The following SLC39A14 variants were observed in gnomAD, a reference collection of about 807,000 sequenced individuals.
The protein encoded by SLC39A14 is solute carrier family 39 member 14.
SLC39A14 carries 19 observed loss-of-function variants against 45.5 expected under a neutral mutation model. That is an observed-to-expected ratio of 0.42 (90% confidence interval 0.29 to 0.61). The LOEUF (loss-of-function observed/expected upper bound fraction) is 0.61, where lower values mean the gene tolerates loss of function less well. Among genes scored for constraint, SLC39A14 ranks in the 20% least tolerant of loss-of-function variants. The pLI is 0.22. For synonymous variants in SLC39A14, 264 were observed against 251.3 expected, an observed-to-expected ratio of 1.05 and a Z score of -0.48; for missense variants, 447 against 616.5, an observed-to-expected ratio of 0.73 and a Z score of 2.91.
intron 1 of SLC39A14, among the ~76,000 whole-genome samples, chr8:22,384,852 C>A (rs1200255777): frequency 6.6e-6 from 1 of 151,744 alleles, no homozygotes; most frequent in Non-Finnish European, 1.5e-5. Flanking sequence ...GAGTTTCAGA[C>A]CAGCGTCACC....
chr8:22,425,874 C>G (rs1836375266), downstream of SLC39A14, among the ~76,000 whole-genome samples: 1 of 142,448 alleles, frequency 7.0e-6, no homozygotes, highest in Non-Finnish European at 1.5e-5. Context: ...TTCTACTAGG[C>G]TCTAGATGGT....
Position 22,420,773 on chromosome 8 carries a change from A to AG in SLC39A14, c.*1080dup. 1.0e-6 allele frequency: 1 copy of AG among 985,100 alleles called. No homozygotes were observed. The highest frequency in any genetic ancestry group is 1.2e-6 in the Non-Finnish European group (1 of 829,922). 61.0% of individuals were successfully genotyped at this position (985,100 alleles called of 1,614,324 possible). On this transcript the variant is annotated 3_prime_UTR_variant, in exon 9 of 9. Transcript: ENST00000381237. The stretch of plus-strand genomic sequence containing the variant: ...TTCCATAAATCAAAGCATGACTAAT[A>AG]GGGGGTCTCTGAAATGTAAGGGCAC...
chr8:22,412,059 T>C lies in SLC39A14; in HGVS notation c.480T>C (p.Cys160=), dbSNP rs1385564680. ...AVEVWGYGLL[C]VTVISLCSLL... is the part of the protein sequence containing the mutation. ...CAGTGTGGGGATACGGTCTCCTCTGTGTGACCGTCATCTCCCTCTGCTCCC... is the reference window on the plus strand; with the variant it reads ...CAGTGTGGGGATACGGTCTCCTCTGCGTGACCGTCATCTCCCTCTGCTCCC... Residue 160 remains cysteine (C), a synonymous_variant, in exon 4 of 9, where the codon TGT becomes TGC. Transcript: ENST00000381237. 4.5e-6 allele frequency: 7 copies of C among 1,551,484 alleles called. No individual in the cohort carries two copies. Among genetic ancestry groups the C allele is most frequent in the Non-Finnish European group, 6.1e-6 (7 of 1,146,980 alleles).
chr8:22,394,562 G>T (rs976155532), intron 1 of SLC39A14, among the ~76,000 whole-genome samples: 1 of 149,936 alleles, frequency 6.7e-6, no homozygotes, highest in Non-Finnish European at 1.5e-5. Context: ...CTTGTGATCC[G>T]CCCGCCTCGG....
At chr8:22,393,807 G>T in intron 1 of SLC39A14, among the ~76,000 whole-genome samples, 1 of 151,934 alleles carries the variant, frequency 6.6e-6, no homozygotes, top group East Asian at 1.9e-4. Context: ...TCAGTAGCGG[G>T]GACTACAGGC....
intron 1 of SLC39A14, among the ~76,000 whole-genome samples, chr8:22,374,735 C>A (rs1833118191): frequency 6.8e-6 from 1 of 146,914 alleles, no homozygotes; most frequent in Non-Finnish European, 1.5e-5. Context: ...GCCTGCCAGC[C>A]TGCTCTTTTT....
intron 8 of SLC39A14, 106 bp from the exon 9 acceptor site, chr8:22,419,446 A>AT (rs1836092923): frequency 8.6e-7 from 1 of 1,160,042 alleles, no homozygotes; most frequent in African/African-American, 1.5e-5. Context: ...GGCCCTGATA[A>AT]TTTTCTTTGT....
chr8:22,415,202 G>T, intron 5 of SLC39A14: 1 of 328,538 alleles, frequency 3.0e-6, no homozygotes, highest in South Asian at 3.9e-5. Flanking sequence ...GGGGAGAAGA[G>T]CTTGATACCA....
At chr8:22,415,696 C>G (rs986009692) in intron 5 of SLC39A14, 73 bp from the exon 6 acceptor site, 6 of 1,444,656 alleles carry the variant, frequency 4.2e-6, no homozygotes, top group African/African-American at 1.4e-5. Flanking sequence ...GAAGCACTTC[C>G]TTGGAGCAGG....
Position 22,420,195 on chromosome 8 carries a change from C to A in SLC39A14, c.*497C>A, listed in dbSNP as rs997822732. 2.0e-6 allele frequency: 2 copies of A among 985,962 alleles called. No individual in the cohort carries two copies. The highest frequency in any genetic ancestry group is 2.3e-4 in the East Asian group (2 of 8,836). 61.1% of individuals were successfully genotyped at this position (985,962 alleles called of 1,614,324 possible). ...GAGACAGGAAGCCTTCCCATTTTTT[C>A]AAAGTCTGTTTAATTGCCTATTACT... is the stretch of plus-strand genomic sequence containing the variant. On this transcript the variant is annotated 3_prime_UTR_variant, in exon 9 of 9. Transcript: ENST00000381237.
In SLC39A14 at chr8:22,410,109, C is replaced by A. The variant is rs148403209; in HGVS notation, c.457+1613C>A. The A allele has an allele frequency of 2.7e-5, 43 of 1,614,046 alleles. No individual in the cohort carries two copies. The Admixed American group carries it at 5.2e-4, about 19-fold the overall frequency. On this transcript the variant is annotated intron_variant, in intron 3 of 8. Transcript: ENST00000381237. ...TGTCTAACGCGCTATTCCAGCTCAT[C>A]CCAGAGGTGCAGTAGAACAGAAACT...
At chr8:22,400,624 G>A (rs870215) in intron 1 of SLC39A14, among the ~76,000 whole-genome samples, 24,752 of 152,206 alleles carry the variant, frequency 0.16, 4,331 homozygotes, top group African/African-American at 0.44. Context: ...ACAAACCGTC[G>A]TTGTGGCTGA....
At chr8:22,388,847 A>G (rs952312395) in intron 1 of SLC39A14, among the ~76,000 whole-genome samples, 5 of 149,242 alleles carry the variant, frequency 3.4e-5, no homozygotes, top group Non-Finnish European at 7.4e-5. Flanking sequence ...CTACCTTTCT[A>G]ACCCAATTTG....
chr8:22,394,940 G>A (rs1455232001), intron 1 of SLC39A14, among the ~76,000 whole-genome samples: 1 of 151,982 alleles, frequency 6.6e-6, no homozygotes, highest in East Asian at 1.9e-4. Context: ...GGTGCTATTC[G>A]GGAAAGAAGA....
intron 1 of SLC39A14, among the ~76,000 whole-genome samples, chr8:22,397,434 T>A (rs146099921): frequency 1.3e-5 from 2 of 152,096 alleles, no homozygotes; most frequent in East Asian, 3.9e-4. Context: ...AAAAATTAGC[T>A]GGGCGTGGTG....
chr8:22,388,166 A>T (rs1833885654), intron 1 of SLC39A14, among the ~76,000 whole-genome samples: 1 of 152,206 alleles, frequency 6.6e-6, no homozygotes, highest in African/African-American at 2.4e-5. Flanking sequence ...TGACACTGAA[A>T]CTAAGCAGGA....
intron 8 of SLC39A14, 84 bp from the exon 9 acceptor site, chr8:22,419,468 A>T: frequency 7.3e-7 from 1 of 1,374,836 alleles, no homozygotes; most frequent in Non-Finnish European, 1.0e-6. Flanking sequence ...AACCAACCTG[A>T]TCTATATCTC....
At chr8:22,393,166 C>T in intron 1 of SLC39A14, 1 of 984,150 alleles carries the variant, frequency 1.0e-6, no homozygotes, top group Non-Finnish European at 1.2e-6. Context: ...TGCGCTTTGA[C>T]TGTGCCAAGG....
intron 1 of SLC39A14, among the ~76,000 whole-genome samples, chr8:22,391,719 G>A (rs1834086114): frequency 2.0e-5 from 3 of 152,024 alleles, no homozygotes; most frequent in South Asian, 2.1e-4. Context: ...ACAGGTACCC[G>A]CCACCATGCC....
Sources: allele counts gnomAD v4.1 joint callset (sites outside exome capture counted in the v4.1 genomes callset), GRCh38; gene constraint gnomAD v4.1.1; transcripts MANE v1.5; gene names NCBI Gene and HGNC (gene_info 2026-07-23, HGNC 2026-07-21).